Variants in PKNOX1 observed in about 807,000 individuals in gnomAD.
PKNOX1 encodes the protein homeobox protein PKNOX1.
Under a neutral mutation model 51.9 loss-of-function variants are expected in PKNOX1, and 15 were observed. The ratio of observed to expected loss-of-function variants is 0.29; its 90% confidence interval spans 0.19 to 0.45. The LOEUF is 0.45. PKNOX1 is among the 20% of genes least tolerant of loss of function. The pLI is 1.00. For synonymous variants in PKNOX1, 219 were observed against 211.1 expected (o/e 1.04, Z -0.32); for missense variants, 462 against 547.5 (o/e 0.84, Z 1.56).
rs540179711 is a variant in PKNOX1, at chr21:43,029,806, C to T, written c.1100-84C>T. 472 of 1,163,292 alleles carry T rather than the reference C, an allele frequency of 4.1e-4. 1 individual carries two copies. The highest frequency in any genetic ancestry group is 3.7e-3 in the African/African-American group (242 of 65,682). 72.1% of individuals were successfully genotyped at this position (1,163,292 alleles called of 1,614,324 possible). A position where few individuals can be genotyped will look rare whatever the true frequency, so the allele number is the denominator to read the frequency against. The stretch of plus-strand genomic sequence containing the variant: ...TGTTTTATTTTAACTTTAGGTCAAA[C>T]GAGCAAACAGCACCCAATTGAGTAA... On this transcript the variant is annotated intron_variant, in intron 10 of 10. Transcript: ENST00000291547.
At chr21:43,017,030 A>G (rs1979525426) in intron 6 of PKNOX1, 23 bp downstream of exon 6, 1 of 1,536,188 alleles carries the variant, frequency 6.5e-7, no homozygotes, top group African/African-American at 1.4e-5. Flanking sequence ...AAAAATGGAC[A>G]CACTCTCCAT....
At position 42,980,545 on chromosome 21, in the gene PKNOX1, G is replaced by A. The variant is rs2059020944; in HGVS notation, c.-57+5881G>A. ...TAAAGTGATGCAAAGTATAGACTCT[G>A]GTGGGAGAGGGGGCGTCTTAAATTT... On this transcript the variant is annotated intron_variant, in intron 1 of 10. Coordinates refer to ENST00000291547, the MANE Select transcript of PKNOX1 (RefSeq NM_004571.5). Among the ~76,000 whole-genome samples, 3 of 152,216 alleles carry A rather than the reference G, an allele frequency of 2.0e-5. No homozygotes were observed. The South Asian group carries it at 6.2e-4, about 32-fold the overall frequency.
chr21:42,975,335 C>T (rs940248123), intron 1 of PKNOX1, among the ~76,000 whole-genome samples: 26 of 151,706 alleles, frequency 1.7e-4, no homozygotes, highest in African/African-American at 6.3e-4. Flanking sequence ...AGCCGGGCGC[C>T]GGCGCGGGAG....
chr21:42,991,713 G>A (rs1275094306), intron 1 of PKNOX1, among the ~76,000 whole-genome samples: 5 of 146,150 alleles, frequency 3.4e-5, no homozygotes, highest in South Asian at 2.2e-4. Flanking sequence ...CAGCATGGGC[G>A]ACAGAGCGAG....
At chr21:42,997,347 G>A (rs1978551805) in intron 1 of PKNOX1, among the ~76,000 whole-genome samples, 2 of 152,136 alleles carry the variant, frequency 1.3e-5, no homozygotes, top group African/African-American at 4.8e-5. Flanking sequence ...GCGTGGCCTC[G>A]GGAGCCTTAC....
chr21:43,024,740 G>A lies in PKNOX1; in HGVS notation c.850-131G>A, dbSNP rs574080341. On this transcript the variant is annotated intron_variant, in intron 8 of 10. Coordinates refer to ENST00000291547, the MANE Select transcript of PKNOX1 (RefSeq NM_004571.5). The stretch of plus-strand genomic sequence containing the variant: ...ACTTTGTTCGTGAGACTACAGTTAG[G>A]TTTTGGCTAGAAGCACTGTTGACGT... 93 of 636,324 alleles carry A rather than the reference G, an allele frequency of 1.5e-4. 1 individual carries two copies. The South Asian group carries it at 1.7e-3, about 11-fold the overall frequency. 39.4% of individuals were successfully genotyped at this position (636,324 alleles called of 1,614,324 possible). A position where few individuals can be genotyped will look rare whatever the true frequency, so the allele number is the denominator to read the frequency against.
Position 43,006,607 on chromosome 21 carries a change from G to T in PKNOX1, c.52-884G>T, listed in dbSNP as rs565975521. 2.6e-4 allele frequency among the ~76,000 whole-genome samples: 39 copies of T among 152,316 alleles called. 1 individual carries two copies. The South Asian group carries it at 7.0e-3, about 27-fold the overall frequency. On this transcript the variant is annotated intron_variant, in intron 2 of 10. Coordinates refer to ENST00000291547, the MANE Select transcript of PKNOX1 (RefSeq NM_004571.5). ...TGCAAAAACAAGACATTGGAGGGAA[G>T]AGAGCACAGGGCTGGAGGATGTGAG...
chr21:43,009,948 T>C (rs1979175262), intron 3 of PKNOX1, 105 bp from the exon 4 acceptor site: 1 of 625,562 alleles, frequency 1.6e-6, no homozygotes, highest in East Asian at 2.9e-5. Context: ...GCGTGTGCAT[T>C]TTCACCCAAC....
chr21:42,991,666 G>A (rs1343068258), intron 1 of PKNOX1, among the ~76,000 whole-genome samples: 3 of 151,842 alleles, frequency 2.0e-5, no homozygotes, highest in African/African-American at 7.3e-5. Context: ...AGGCGGAGGC[G>A]GAGCTTGCGG....
intron 3 of PKNOX1, among the ~76,000 whole-genome samples, chr21:43,008,061 T>TCA (rs56932866): frequency 0.02 from 2,984 of 146,822 alleles, 25 homozygotes; most frequent in South Asian, 0.036. Context: ...CAAAACTCTG[T>TCA]CACACACACA....
chr21:43,009,349 G>A (rs1979139448), intron 3 of PKNOX1, among the ~76,000 whole-genome samples: 1 of 152,122 alleles, frequency 6.6e-6, no homozygotes, highest in African/African-American at 2.4e-5. Context: ...GGAGGCTGAG[G>A]CAGGAGAATC....
intron 1 of PKNOX1, among the ~76,000 whole-genome samples, chr21:42,993,908 T>G (rs1978363350): frequency 6.6e-6 from 1 of 151,424 alleles, no homozygotes; most frequent in African/African-American, 2.4e-5. Context: ...AATTTTTGTA[T>G]TTTTAGTAGA....
intron 1 of PKNOX1, among the ~76,000 whole-genome samples, chr21:42,993,898 A>G (rs1978362823): frequency 6.7e-6 from 1 of 150,288 alleles, no homozygotes; most frequent in Non-Finnish European, 1.5e-5. Context: ...ATGCCCGGCT[A>G]ATTTTTGTAT....
chr21:43,009,801 G>GA (rs956075232), intron 3 of PKNOX1, among the ~76,000 whole-genome samples: 7 of 152,184 alleles, frequency 4.6e-5, no homozygotes, highest in African/African-American at 1.7e-4. Flanking sequence ...TGGGGTCTGG[G>GA]AAAAAATGGA....
At chr21:42,990,344 A>G (rs1329375381) in intron 1 of PKNOX1, among the ~76,000 whole-genome samples, 1 of 152,218 alleles carries the variant, frequency 6.6e-6, no homozygotes, top group Admixed American at 6.6e-5. Flanking sequence ...GGGTCTGGTC[A>G]GTCTGCATAG....
chr21:42,978,994 G>A (rs2059012554), intron 1 of PKNOX1, among the ~76,000 whole-genome samples: 1 of 152,136 alleles, frequency 6.6e-6, no homozygotes. Context: ...TGACCTCTTG[G>A]GCTAAAGTGG....
In PKNOX1 at chr21:43,013,211, A is replaced by C; in HGVS notation, c.495A>C (p.Gly165=). The change falls in exon 5 of 11, where the codon GGA becomes GGC. Residue 165 remains glycine, a synonymous_variant. Transcript: ENST00000291547. ...NSETLLSGEP[G]SPYSPVQSQQ... ...AAACTCTGTTGAGTGGAGAGCCTGG[A>C]AGCCCGTACTCACCAGTGCAGTCCC... The C allele has an allele frequency of 3.7e-6, 6 of 1,612,874 alleles. No individual in the cohort carries two copies. The highest frequency in any genetic ancestry group is 4.2e-6 in the Non-Finnish European group (5 of 1,179,382).
At chr21:43,029,485 T>A (rs1980146517) in intron 10 of PKNOX1, among the ~76,000 whole-genome samples, 1 of 135,540 alleles carries the variant, frequency 7.4e-6, no homozygotes, top group Admixed American at 8.4e-5. Flanking sequence ...TGGAGTGCAA[T>A]GGCGCAATCT....
rs1435095065 is a variant in PKNOX1 at position 43,004,359 on chromosome 21, G to A, written c.-23G>A. On this transcript the variant is annotated 5_prime_UTR_variant, in exon 2 of 11. An upstream start codon of the reference 5' UTR is lost. Coordinates refer to ENST00000291547, the MANE Select transcript of PKNOX1 (RefSeq NM_004571.5). Reference sequence around the variant, plus strand: ...CGCTTTTCACCCAAGATGATTTGATGTCTTATAAAACTCTGATGAACCATG... The same window carrying A: ...CGCTTTTCACCCAAGATGATTTGATATCTTATAAAACTCTGATGAACCATG... 6.5e-7 allele frequency: 1 copy of A among 1,550,192 alleles called. No individual in the cohort carries two copies. Among genetic ancestry groups the A allele is most frequent in the Admixed American group, 1.7e-5 (1 of 59,818 alleles).
Sources: gnomAD v4.1 joint callset for allele counts (sites outside exome capture counted in the v4.1 genomes callset) on GRCh38, gnomAD v4.1.1 for gene constraint, MANE v1.5 for transcripts, NCBI Gene and HGNC (gene_info 2026-07-23, HGNC 2026-07-21) for gene names.